PAK2: variants seen among roughly 807,000 people sequenced by gnomAD.
The protein encoded by PAK2 is serine/threonine-protein kinase PAK 2.
PAK2 carries 21 observed loss-of-function variants against 65.9 expected under a neutral mutation model. The observed-to-expected ratio is 0.32, with a 90% CI of 0.23 to 0.46. The LOEUF is 0.46. Among genes scored for constraint, PAK2 ranks in the 20% least tolerant of loss-of-function variants. The pLI is 1.00. For missense variants in PAK2, 324 were observed against 642.6 expected, an observed-to-expected ratio of 0.50 and a Z score of 5.36; for synonymous variants, 204 against 219.7, an observed-to-expected ratio of 0.93 and a Z score of 0.63.
intron 1 of PAK2, among the ~76,000 whole-genome samples, chr3:196,754,851 A>G (rs977613588): frequency 2.0e-5 from 3 of 152,234 alleles, no homozygotes; most frequent in African/African-American, 7.2e-5. Context: ...GGCTGCCACA[A>G]AAACTGCCTC....
In PAK2 at chr3:196,830,623, C is replaced by G. The variant is rs553089498; in HGVS notation, c.*2218C>G. The G allele has an allele frequency of 6.6e-6, 1 of 152,296 alleles. No homozygotes were observed. The highest frequency in any genetic ancestry group is 2.4e-5 in the African/African-American group (1 of 41,558). 9.4% of individuals were successfully genotyped at this position (152,296 alleles called of 1,614,324 possible). A position where few individuals can be genotyped will look rare whatever the true frequency, so the allele number is the denominator to read the frequency against. ...AGAAGCAGTTTGGGATTTGTAGTTG[C>G]GACTTCTTCGATAGTTACCTGCACG... On this transcript the variant is annotated 3_prime_UTR_variant, in exon 15 of 15. Coordinates refer to ENST00000327134, the MANE Select transcript of PAK2 (RefSeq NM_002577.4).
At chr3:196,766,146 C>T (rs1277457611) in intron 1 of PAK2, among the ~76,000 whole-genome samples, 3 of 152,066 alleles carry the variant, frequency 2.0e-5, no homozygotes, top group Non-Finnish European at 2.9e-5. Context: ...CCGCCCGCCT[C>T]GACCTCCCAA....
At chr3:196,784,239 ATTATAC>A (rs1417279749) in intron 2 of PAK2, among the ~76,000 whole-genome samples, 1,487 of 59,860 alleles carry the variant, frequency 0.025, 29 homozygotes, top group African/African-American at 0.072. Context: ...TTTTTTTTTA[ATTATAC>A]TTTAAGTTTT....
At chr3:196,765,163 T>TAA (rs1560095555) in intron 1 of PAK2, among the ~76,000 whole-genome samples, 1 of 124,968 alleles carries the variant, frequency 8.0e-6, no homozygotes, top group Non-Finnish European at 1.7e-5. Flanking sequence ...TTTTTTTTTT[T>TAA]TTGAGACAGG....
intron 1 of PAK2, among the ~76,000 whole-genome samples, chr3:196,778,082 T>G (rs752027530): frequency 2.0e-5 from 3 of 152,152 alleles, no homozygotes; most frequent in Non-Finnish European, 4.4e-5. Flanking sequence ...TAATCAGCCG[T>G]GTTTATGAAC....
At chr3:196,752,213 A>T (rs543504229) in intron 1 of PAK2, among the ~76,000 whole-genome samples, 1 of 152,152 alleles carries the variant, frequency 6.6e-6, no homozygotes, top group Non-Finnish European at 1.5e-5. Flanking sequence ...GGTGAGTAAT[A>T]CTCCATTCTA....
At chr3:196,798,681 C>G (rs577714904) in intron 2 of PAK2, among the ~76,000 whole-genome samples, 195 of 152,206 alleles carry the variant, frequency 1.3e-3, no homozygotes, top group South Asian at 8.1e-3. Flanking sequence ...CAGTTGGAAT[C>G]CAGCAGTGTA....
intron 1 of PAK2, among the ~76,000 whole-genome samples, chr3:196,772,165 G>C (rs1714380550): frequency 6.6e-6 from 1 of 152,108 alleles, no homozygotes; most frequent in Non-Finnish European, 1.5e-5. Context: ...TCTGTCCAGA[G>C]GGATTTATTC....
intron 1 of PAK2, among the ~76,000 whole-genome samples, chr3:196,765,525 C>A (rs1374760987): frequency 6.6e-6 from 1 of 152,168 alleles, no homozygotes; most frequent in East Asian, 1.9e-4. Context: ...GTGCCATATT[C>A]CTGATAACAC....
At chr3:196,803,894 A>T (rs966712583) in intron 4 of PAK2, among the ~76,000 whole-genome samples, 1 of 152,174 alleles carries the variant, frequency 6.6e-6, no homozygotes, top group African/African-American at 2.4e-5. Flanking sequence ...GTGGATTTTT[A>T]AAAATAGTTT....
intron 12 of PAK2, among the ~76,000 whole-genome samples, chr3:196,818,877 G>A (rs1465862532): frequency 6.6e-6 from 1 of 151,834 alleles, no homozygotes; most frequent in Non-Finnish European, 1.5e-5. Flanking sequence ...CTTTCTCATA[G>A]GGTTACCATG....
At chr3:196,770,729 TCTC>T (rs63338960) in intron 1 of PAK2, among the ~76,000 whole-genome samples, 65,412 of 151,432 alleles carry the variant, frequency 0.43, 15,343 homozygotes, top group Non-Finnish European at 0.53. Context: ...TTCAAGCAAT[TCTC>T]CTGCCTCAGC....
chr3:196,815,745 C>T lies in PAK2; in HGVS notation c.1053+1177C>T, dbSNP rs371328164. 7.2e-5 allele frequency among the ~76,000 whole-genome samples: 11 copies of T among 151,768 alleles called. No homozygotes were observed. The East Asian group carries it at 1.4e-3, about 19-fold the overall frequency. ...GAGGTCACAGTGAGCCGAGATCGTGCCACTGCATTCCAGCCTGGCGACAGA... is the reference window on the plus strand; with the variant it reads ...GAGGTCACAGTGAGCCGAGATCGTGTCACTGCATTCCAGCCTGGCGACAGA... On this transcript the variant is annotated intron_variant, in intron 11 of 14. Coordinates refer to ENST00000327134, the MANE Select transcript of PAK2 (RefSeq NM_002577.4).
chr3:196,811,275 C>T (rs112827829), intron 8 of PAK2, among the ~76,000 whole-genome samples: 120 of 7,882 alleles, frequency 0.015, no homozygotes, highest in South Asian at 0.022. Flanking sequence ...CTTCCCTTCC[C>T]TCCCTTCCCT....
intron 2 of PAK2, among the ~76,000 whole-genome samples, chr3:196,792,597 C>T (rs1715108004): frequency 6.6e-6 from 1 of 152,120 alleles, no homozygotes; most frequent in South Asian, 2.1e-4. Context: ...ATTGTGTTTC[C>T]TACCAATACT....
At chr3:196,821,557 C>A (rs1348533196) in intron 13 of PAK2, among the ~76,000 whole-genome samples, 1 of 151,322 alleles carries the variant, frequency 6.6e-6, no homozygotes, top group Non-Finnish European at 1.5e-5. Context: ...GTGGTGGGTG[C>A]CTGTAATCCC....
intron 10 of PAK2, among the ~76,000 whole-genome samples, chr3:196,813,675 G>T (rs973874544): frequency 2.6e-5 from 4 of 152,094 alleles, no homozygotes; most frequent in African/African-American, 9.7e-5. Flanking sequence ...TTTCAGGCTA[G>T]GCACGGTAGC....
chr3:196,807,503 T>C (rs1299086623), intron 6 of PAK2, among the ~76,000 whole-genome samples: 1 of 152,198 alleles, frequency 6.6e-6, no homozygotes, highest in African/African-American at 2.4e-5. Flanking sequence ...TACATTGTTA[T>C]ACCATTTTAG....
At chr3:196,814,378 A>C in intron 10 of PAK2, 73 bp from the exon 11 acceptor site, 2 of 648,012 alleles carry the variant, frequency 3.1e-6, no homozygotes. Context: ...TAATATTTGA[A>C]TTCTTCAACA....
Sources: gnomAD v4.1 joint callset for allele counts (sites outside exome capture counted in the v4.1 genomes callset) on GRCh38, gnomAD v4.1.1 for gene constraint, MANE v1.5 for transcripts, NCBI Gene and HGNC (gene_info 2026-07-23, HGNC 2026-07-21) for gene names.